NECTIN2: variants seen among roughly 807,000 people sequenced by gnomAD.
NECTIN2 encodes nectin-2.
In NECTIN2, 23 loss-of-function variants were observed where a neutral mutation model predicts 56.9. That is an observed-to-expected ratio of 0.40 (90% CI 0.29 to 0.57). NECTIN2 has a LOEUF of 0.57. Among genes scored for constraint, NECTIN2 ranks in the 20% least tolerant of loss-of-function variants. The probability of loss-of-function intolerance (pLI) is 0.38; values close to 1 mark genes in which losing one functional copy is unlikely to be tolerated. For synonymous variants in NECTIN2, 302 were observed against 313.8 expected (o/e 0.96, Z 0.40); for missense variants, 587 against 718.3 (o/e 0.82, Z 2.09).
At chr19:44,876,388 G>A (rs916120238) in intron 5 of NECTIN2, among the ~76,000 whole-genome samples, 32 of 152,232 alleles carry the variant, frequency 2.1e-4, no homozygotes, top group Non-Finnish European at 4.6e-4. Flanking sequence ...AGACGCAATA[G>A]AGAAAGACTC....
At chr19:44,876,480 C>T (rs1378601306) in intron 5 of NECTIN2, among the ~76,000 whole-genome samples, 2 of 152,184 alleles carry the variant, frequency 1.3e-5, no homozygotes, top group African/African-American at 2.4e-5. Context: ...TACAAAGACA[C>T]GTGCCTTCAG....
At chr19:44,853,259 C>T (rs765636621) in intron 1 of NECTIN2, among the ~76,000 whole-genome samples, 1 of 152,096 alleles carries the variant, frequency 6.6e-6, no homozygotes, top group African/African-American at 2.4e-5. Context: ...TGCAGTGGCG[C>T]GATCTCAGCT....
intron 8 of NECTIN2, among the ~76,000 whole-genome samples, chr19:44,887,343 C>T (rs568794918): frequency 3.3e-5 from 5 of 150,220 alleles, no homozygotes; most frequent in African/African-American, 1.2e-4. Context: ...AGCAAGACTC[C>T]GTCTCAAAAA....
At position 44,870,579 on chromosome 19, in the gene NECTIN2, C is replaced by T. The variant is rs796480482; in HGVS notation, c.479-1274C>T. 4.1e-4 allele frequency among the ~76,000 whole-genome samples: 63 copies of T among 152,076 alleles called. 1 individual carries two copies. Among genetic ancestry groups the T allele is most frequent in the African/African-American group, 1.5e-3 (63 of 41,468 alleles). ...GTGGAAAGGGTATAAAAAAAAGAAA[C>T]GGCTTTGAGATTTTCTGCCTTTATC... On this transcript the variant is annotated intron_variant, in intron 2 of 8. Coordinates refer to ENST00000252483, the MANE Select transcript of NECTIN2 (RefSeq NM_001042724.2).
intron 1 of NECTIN2, among the ~76,000 whole-genome samples, chr19:44,859,277 C>G (rs1969004708): frequency 6.6e-6 from 1 of 152,112 alleles, no homozygotes; most frequent in Non-Finnish European, 1.5e-5. Context: ...CAAGCACTGA[C>G]CTCTCATTTC....
intron 5 of NECTIN2, among the ~76,000 whole-genome samples, chr19:44,879,872 AGC>A (rs1969288827): frequency 4.6e-5 from 7 of 152,184 alleles, no homozygotes; most frequent in Non-Finnish European, 7.3e-5. Context: ...CTGGGGCTGC[AGC>A]TGTGGCCTGC....
intron 1 of NECTIN2, among the ~76,000 whole-genome samples, chr19:44,855,217 A>G (rs1480772947): frequency 6.6e-6 from 1 of 151,312 alleles, no homozygotes; most frequent in Non-Finnish European, 1.5e-5. Context: ...CGAGGTCAGG[A>G]GATCGAGACC....
chr19:44,878,274 T>TG (rs781127605), intron 5 of NECTIN2: 15 of 1,112,384 alleles, frequency 1.3e-5, no homozygotes, highest in South Asian at 2.9e-5. Context: ...TGGGGGGCCG[T>TG]GGGGGGGACA....
rs1234371677 is a variant in NECTIN2, at chr19:44,865,234, C to G, written c.89-37C>G. 6.4e-7 allele frequency: 1 copy of G among 1,560,694 alleles called. No homozygotes were observed. Among genetic ancestry groups the G allele is most frequent in the Admixed American group, 1.8e-5 (1 of 56,274 alleles). Reference sequence around the variant, plus strand: ...GCCTGGAGGTGTCTGGGTCCCTCCCCCACCCGACTACTTCACTCTCTGTCC... The same window carrying G: ...GCCTGGAGGTGTCTGGGTCCCTCCCGCACCCGACTACTTCACTCTCTGTCC... On this transcript the variant is annotated intron_variant, in intron 1 of 8. Transcript: ENST00000252483. The surrounding 1 kb of genome is among the most constrained non-coding windows in gnomAD (Gnocchi z 5.2).
At chr19:44,869,632 T>C (rs996303569) in intron 2 of NECTIN2, among the ~76,000 whole-genome samples, 3 of 147,170 alleles carry the variant, frequency 2.0e-5, no homozygotes, top group Non-Finnish European at 4.5e-5. Flanking sequence ...TGATTAAGTG[T>C]AGGGTTTAAT....
intron 1 of NECTIN2, among the ~76,000 whole-genome samples, chr19:44,863,664 G>A (rs964662641): frequency 4.2e-4 from 60 of 143,338 alleles, no homozygotes; most frequent in African/African-American, 1.8e-3. Context: ...GGCCAACGTG[G>A]TGAAAGCCCA....
At chr19:44,882,611 G>T (rs1969319805) in intron 6 of NECTIN2, among the ~76,000 whole-genome samples, 1 of 150,232 alleles carries the variant, frequency 6.7e-6, no homozygotes, top group Admixed American at 6.7e-5. Flanking sequence ...ACTTTTGGAG[G>T]CTGAGGTGGG....
intron 6 of NECTIN2, among the ~76,000 whole-genome samples, chr19:44,885,358 A>C (rs1599928992): frequency 7.7e-6 from 1 of 129,084 alleles, no homozygotes; most frequent in African/African-American, 3.0e-5. Context: ...ACTCTATTGC[A>C]CAGGCTGGAG....
chr19:44,863,088 G>A (rs416116), intron 1 of NECTIN2, among the ~76,000 whole-genome samples: 50,423 of 151,238 alleles, frequency 0.33, 9,220 homozygotes, highest in Non-Finnish European at 0.39. Context: ...CTTGAAATTG[G>A]GAGGTGGAGG....
At chr19:44,878,405 G>A (rs570775751) in intron 5 of NECTIN2, 24 of 1,564,772 alleles carry the variant, frequency 1.5e-5, no homozygotes, top group South Asian at 7.0e-5. Flanking sequence ...GGGATTCTAC[G>A]ATCCGAAAGC....
At chr19:44,869,291 A>T (rs1181759043) in intron 2 of NECTIN2, among the ~76,000 whole-genome samples, 1 of 151,674 alleles carries the variant, frequency 6.6e-6, no homozygotes, top group Non-Finnish European at 1.5e-5. Flanking sequence ...AAATAATGAG[A>T]CTCAGAAAAT....
chr19:44,864,434 C>T (rs2122661789), intron 1 of NECTIN2, among the ~76,000 whole-genome samples: 1 of 152,254 alleles, frequency 6.6e-6, no homozygotes, highest in Admixed American at 6.5e-5. Context: ...CTCAAGCATT[C>T]CTCCCACCTT....
At chr19:44,878,820 C>T (rs1359172494) in intron 5 of NECTIN2, 20 of 1,381,822 alleles carry the variant, frequency 1.4e-5, no homozygotes, top group Admixed American at 6.3e-5. Context: ...ATGGGGAGCC[C>T]GGGGAGCTGA....
At chr19:44,848,592 T>C (rs1346027127) in intron 1 of NECTIN2, among the ~76,000 whole-genome samples, 2 of 152,054 alleles carry the variant, frequency 1.3e-5, no homozygotes, top group African/African-American at 4.8e-5. Context: ...TGTCGGCCCC[T>C]TTCTTGACCA....
Sources: gnomAD v4.1 joint callset for allele counts (sites outside exome capture counted in the v4.1 genomes callset) on GRCh38, gnomAD v4.1.1 for gene constraint, Gnocchi (gnomAD v3.1) non-coding constraint, MANE v1.5 for transcripts, NCBI Gene and HGNC (gene_info 2026-07-23, HGNC 2026-07-21) for gene names.